LRP1B: variants seen among roughly 807,000 people sequenced by gnomAD.
LRP1B encodes the protein low-density lipoprotein receptor-related protein 1B.
LRP1B carries 217 observed loss-of-function variants against 556.6 expected under a neutral mutation model. That is an observed-to-expected ratio of 0.39 (90% CI 0.35 to 0.44). The LOEUF is 0.44. Ranked by LOEUF, LRP1B falls within the 20% of genes least tolerant of loss-of-function variation. The pLI, the probability that LRP1B is intolerant of heterozygous loss-of-function variation, is 1.00. For missense variants in LRP1B, 5,053 were observed against 5,620.8 expected, an observed-to-expected ratio of 0.90 and a Z score of 3.23; for synonymous variants, 2,047 against 1,865.8, an observed-to-expected ratio of 1.10 and a Z score of -2.50.
chr2:141,314,028 G>A (rs923262626), intron 3 of LRP1B, among the ~76,000 whole-genome samples: 28 of 151,112 alleles, frequency 1.9e-4, no homozygotes, highest in Admixed American at 1.2e-3. Flanking sequence ...TTTTTTGGGC[G>A]GGCATTAGAA....
intron 15 of LRP1B, among the ~76,000 whole-genome samples, chr2:141,002,388 G>A (rs1375726534): frequency 6.6e-6 from 1 of 151,930 alleles, no homozygotes; most frequent in Non-Finnish European, 1.5e-5. Flanking sequence ...AAGTACAGGA[G>A]GCATATTTGG....
At chr2:140,912,859 T>C (rs915299632) in intron 21 of LRP1B, among the ~76,000 whole-genome samples, 1 of 151,852 alleles carries the variant, frequency 6.6e-6, no homozygotes, top group Non-Finnish European at 1.5e-5. Flanking sequence ...AATAAATTGA[T>C]ACAATCTCTT....
chr2:141,357,829 T>C (rs1209373870), intron 3 of LRP1B, among the ~76,000 whole-genome samples: 2 of 152,188 alleles, frequency 1.3e-5, no homozygotes, highest in African/African-American at 4.8e-5. Context: ...AATTAATTAG[T>C]AGAAAATATT....
chr2:142,072,468 A>G (rs1315266147), intron 1 of LRP1B, among the ~76,000 whole-genome samples: 1 of 151,982 alleles, frequency 6.6e-6, no homozygotes, highest in Non-Finnish European at 1.5e-5. Flanking sequence ...CATGCTCCCT[A>G]ACCCCTCAAA....
Position 140,240,345 on chromosome 2 carries a change from T to A in LRP1B, c.13325-813A>T, listed in dbSNP as rs147203567. ...TAACAGAATAGATCTTCAAAAATGATCAGTGAAATTTGGTCTTTGTTTTTA... is the reference window on the plus strand; with the variant it reads ...TAACAGAATAGATCTTCAAAAATGAACAGTGAAATTTGGTCTTTGTTTTTA... On this transcript the variant is annotated intron_variant, in intron 87 of 90. Coordinates refer to ENST00000389484, the MANE Select transcript of LRP1B (RefSeq NM_018557.3). 6.6e-4 allele frequency among the ~76,000 whole-genome samples: 100 copies of A among 150,932 alleles called. No individual in the cohort carries two copies. The East Asian group carries it at 0.019, about 29-fold the overall frequency.
At chr2:141,733,686 C>T (rs1182442552) in intron 2 of LRP1B, among the ~76,000 whole-genome samples, 1 of 152,090 alleles carries the variant, frequency 6.6e-6, no homozygotes, top group African/African-American at 2.4e-5. Context: ...AGTTGTCTTA[C>T]ATGGAGGTCC....
At chr2:141,932,948 T>C (rs1008792314) in intron 1 of LRP1B, among the ~76,000 whole-genome samples, 4 of 152,072 alleles carry the variant, frequency 2.6e-5, no homozygotes, top group Non-Finnish European at 4.4e-5. Context: ...TTCTAATGCA[T>C]GGCATGAAAA....
intron 2 of LRP1B, among the ~76,000 whole-genome samples, chr2:141,696,488 C>T (rs1691737483): frequency 6.6e-6 from 1 of 151,720 alleles, no homozygotes; most frequent in African/African-American, 2.4e-5. Context: ...ATTTAATCTC[C>T]ACATTATTAA....
intron 18 of LRP1B, among the ~76,000 whole-genome samples, chr2:140,954,634 A>G (rs1695820588): frequency 6.6e-6 from 1 of 152,074 alleles, no homozygotes; most frequent in Non-Finnish European, 1.5e-5. Context: ...AGTGGAAATT[A>G]GCTCTGAATA....
At chr2:141,407,063 T>C (rs1466784170) in intron 3 of LRP1B, among the ~76,000 whole-genome samples, 1 of 152,132 alleles carries the variant, frequency 6.6e-6, no homozygotes, top group African/African-American at 2.4e-5. Context: ...TATATAGAGA[T>C]AATTTGAGGT....
intron 72 of LRP1B, among the ~76,000 whole-genome samples, chr2:140,363,968 A>G (rs1039302328): frequency 3.1e-4 from 47 of 151,778 alleles, no homozygotes; most frequent in African/African-American, 1.1e-3. Flanking sequence ...GTATGATAAC[A>G]GGGACCAAAA....
chr2:141,751,913 A>G (rs1218527495), intron 2 of LRP1B, among the ~76,000 whole-genome samples: 2 of 150,658 alleles, frequency 1.3e-5, no homozygotes, highest in Admixed American at 1.3e-4. Flanking sequence ...AATTGTTTCA[A>G]ATTAACTTTT....
At chr2:141,744,407 T>C (rs923233681) in intron 2 of LRP1B, among the ~76,000 whole-genome samples, 2 of 152,216 alleles carry the variant, frequency 1.3e-5, no homozygotes, top group African/African-American at 4.8e-5. Context: ...GCCTAACATA[T>C]GGTCTATTCT....
In LRP1B at chr2:141,647,411, G is replaced by A. The variant is rs1013161186; in HGVS notation, c.205+162868C>T. Reference sequence around the variant, plus strand: ...ATTGTTTAAGTCACTGAGTGTTGGGGGTTAATTTGTTTCCACAGTTTAAGG... The same window carrying A: ...ATTGTTTAAGTCACTGAGTGTTGGGAGTTAATTTGTTTCCACAGTTTAAGG... On this transcript the variant is annotated intron_variant, in intron 2 of 90. Transcript: ENST00000389484. 4.6e-5 allele frequency among the ~76,000 whole-genome samples: 7 copies of A among 152,072 alleles called. No homozygotes were observed. The South Asian group carries it at 1.5e-3, about 32-fold the overall frequency.
At chr2:141,760,668 A>T (rs1433879157) in intron 2 of LRP1B, among the ~76,000 whole-genome samples, 1 of 152,204 alleles carries the variant, frequency 6.6e-6, no homozygotes, top group Non-Finnish European at 1.5e-5. Flanking sequence ...CAGAGTTTTC[A>T]ATTTCAGAAA....
intron 3 of LRP1B, among the ~76,000 whole-genome samples, chr2:141,312,381 T>G (rs1686845503): frequency 6.6e-6 from 1 of 152,230 alleles, no homozygotes; most frequent in Non-Finnish European, 1.5e-5. Context: ...TATCTTACTT[T>G]ATTGTAAGAA....
chr2:142,121,128 T>C (rs1470173296), intron 1 of LRP1B, among the ~76,000 whole-genome samples: 1 of 152,186 alleles, frequency 6.6e-6, no homozygotes, highest in Admixed American at 6.6e-5. Flanking sequence ...AAAATCTTTC[T>C]AAACTAAAAA....
intron 7 of LRP1B, among the ~76,000 whole-genome samples, chr2:141,068,213 G>A (rs995894811): frequency 6.6e-6 from 1 of 151,974 alleles, no homozygotes; most frequent in African/African-American, 2.4e-5. Context: ...AATACCCGGG[G>A]TTCATAGTCT....
chr2:140,715,938 A>T (rs2105461040), intron 37 of LRP1B, 35 bp downstream of exon 37: 1 of 1,488,402 alleles, frequency 6.7e-7, no homozygotes, highest in Non-Finnish European at 9.0e-7. Context: ...AAACTCACAT[A>T]AAACTTGGAA....
Sources: allele counts gnomAD v4.1 joint callset (sites outside exome capture counted in the v4.1 genomes callset), GRCh38; gene constraint gnomAD v4.1.1; transcripts MANE v1.5; gene names NCBI Gene and HGNC (gene_info 2026-07-23, HGNC 2026-07-21).